NOXA1: variants seen among roughly 807,000 people sequenced by gnomAD.
NOXA1 encodes the protein NADPH oxidase activator 1.
Under a neutral mutation model 64.8 loss-of-function variants are expected in NOXA1, and 56 were observed. The ratio of observed to expected loss-of-function variants is 0.86; its 90% CI spans 0.70 to 1.08. NOXA1 has a LOEUF of 1.08. Among genes scored for constraint, NOXA1 ranks in the 50% least tolerant of loss-of-function variants. NOXA1 has a pLI of 0.00. For missense variants in NOXA1, 668 were observed against 658.5 expected, an observed-to-expected ratio of 1.01 and a Z score of -0.16; for synonymous variants, 295 against 294.8, an observed-to-expected ratio of 1.00 and a Z score of -0.01.
chr9:137,424,689 C>T (rs889340231), intron 1 of NOXA1, among the ~76,000 whole-genome samples: 16 of 152,328 alleles, frequency 1.1e-4, no homozygotes, highest in African/African-American at 3.1e-4. Flanking sequence ...CCACCCTCCT[C>T]GGCCACCCAT....
At position 137,430,854 on chromosome 9, in the gene NOXA1, G is replaced by T; in HGVS notation, c.672+11G>T. 1 of 1,578,708 alleles carries T rather than the reference G, an allele frequency of 6.3e-7. No individual in the cohort carries two copies. On this transcript the variant is annotated intron_variant, in intron 6 of 13. Transcript: ENST00000683555. ...CCTCAGCAGCCACAGGTGGGTTTGC[G>T]GCCCCTCAGACCCCTGCCTGGCCTC...
Position 137,423,611 on chromosome 9 carries a change from C to A in NOXA1, c.82C>A (p.His28Asn). 4 of 1,471,132 alleles carry A rather than the reference C, an allele frequency of 2.7e-6. No individual in the cohort carries two copies. In the South Asian group the frequency reaches 5.2e-5, roughly 19 times the overall value. 91.1% of individuals were successfully genotyped at this position (1,471,132 alleles called of 1,614,324 possible). A position where few individuals can be genotyped will look rare whatever the true frequency, so the allele number is the denominator to read the frequency against. The change falls in exon 1 of 14, where the codon CAC (histidine) becomes AAC (asparagine). Residue 28 changes from histidine (H) to asparagine (N), a missense_variant. His to Asn is a moderately conservative substitution (Grantham distance 68). Transcript: ENST00000683555. ...VDRGDWARALHLFSGVPAPPA... is the reference protein window; with the variant it reads ...VDRGDWARALNLFSGVPAPPA... ...TCGTGGGGACTGGGCCCGCGCCTTG[C>A]ACCTCTTCTCGGGCGTCCCGGCGCC...
At position 137,431,273 on chromosome 9, in the gene NOXA1, C is replaced by A. The variant is rs1487864457; in HGVS notation, c.736C>A (p.Gln246Lys). The A allele has an allele frequency of 6.2e-7, 1 of 1,612,828 alleles. No individual in the cohort carries two copies. The highest frequency in any genetic ancestry group is 8.5e-7 in the Non-Finnish European group (1 of 1,179,950). Residue 246 changes from glutamine to lysine, a missense_variant, in exon 8 of 14, where the codon CAG becomes AAG. Transcript: ENST00000683555. The surrounding 1 kb of genome is among the most constrained non-coding windows in gnomAD (Gnocchi z 5.6). ...GGACTCCCCAAGAGCTGGCACCCAC[C>A]AGGGCCCCCTCGATGCAGAGACAGA... The part of the protein sequence containing the change: ...IMDSPRAGTH[Q>K]GPLDAETEVG...
At chr9:137,424,379 C>T (rs1838743970) in intron 1 of NOXA1, among the ~76,000 whole-genome samples, 1 of 152,246 alleles carries the variant, frequency 6.6e-6, no homozygotes, top group African/African-American at 2.4e-5. Flanking sequence ...CATGAGACCC[C>T]CCTCTCTTGT....
intron 8 of NOXA1, among the ~76,000 whole-genome samples, chr9:137,432,386 C>G (rs1352513995): frequency 6.6e-6 from 1 of 151,952 alleles, no homozygotes; most frequent in East Asian, 1.9e-4. Flanking sequence ...GAGACCATCC[C>G]GGCTAACATG....
Position 137,434,322 on chromosome 9 carries a change from G to C in NOXA1, c.1393G>C (p.Gly465Arg). Residue 465 changes from glycine (G) to arginine (R), a missense_variant, in exon 14 of 14, where the codon GGC becomes CGC. By Grantham distance (125) the Gly-to-Arg change is moderately radical. Coordinates refer to ENST00000683555, the MANE Select transcript of NOXA1 (RefSeq NM_001256067.2). ...CGGCCCTCGGATGTCAGGAGCCCCC[G>C]GCCGCCTGCCCCGATCCCAGCAGGG... ...PAGPRMSGAP[G>R]RLPRSQQGDQ... 6.2e-7 allele frequency: 1 copy of C among 1,608,274 alleles called. No homozygotes were observed. The highest frequency in any genetic ancestry group is 8.5e-7 in the Non-Finnish European group (1 of 1,178,438).
At position 137,431,841 on chromosome 9, in the gene NOXA1, G is replaced by A. The variant is rs1465627677; in HGVS notation, c.804+500G>A. Among the ~76,000 whole-genome samples, 2 of 152,172 alleles carry A rather than the reference G, an allele frequency of 1.3e-5. No individual in the cohort carries two copies. Among genetic ancestry groups the A allele is most frequent in the African/African-American group, 2.4e-5 (1 of 41,430 alleles). On this transcript the variant is annotated intron_variant, in intron 8 of 13. Transcript: ENST00000683555. The surrounding 1 kb of genome is among the most constrained non-coding windows in gnomAD (Gnocchi z 5.6). ...CCCAGCTGCTCCCAGGGTGGCAGCC[G>A]TGGGCGGAGGCTCTGCTGCAGGATC...
Position 137,434,330 on chromosome 9 carries a change from G to A in NOXA1, c.1401G>A (p.Leu467=). The A allele has an allele frequency of 6.2e-7, 1 of 1,605,950 alleles. No individual in the cohort carries two copies. The highest frequency in any genetic ancestry group is 8.5e-7 in the Non-Finnish European group (1 of 1,177,358). Residue 467 remains leucine, a synonymous_variant, in exon 14 of 14, where the codon CTG becomes CTA. Coordinates refer to ENST00000683555, the MANE Select transcript of NOXA1 (RefSeq NM_001256067.2). ...GGATGTCAGGAGCCCCCGGCCGCCTGCCCCGATCCCAGCAGGGAGATCAGC... is the reference window on the plus strand; with the variant it reads ...GGATGTCAGGAGCCCCCGGCCGCCTACCCCGATCCCAGCAGGGAGATCAGC... The part of the protein sequence containing the change: ...GPRMSGAPGR[L]PRSQQGDQP
chr9:137,429,411 A>G (rs774086820), intron 5 of NOXA1, 28 bp downstream of exon 5: 351 of 1,480,580 alleles, frequency 2.4e-4, no homozygotes, highest in Non-Finnish European at 3.0e-4. Context: ...GTCCTGGGGC[A>G]TGGCGGCTGG....
At position 137,434,063 on chromosome 9, in the gene NOXA1, G is replaced by A; in HGVS notation, c.1278G>A (p.Val426=). 1 of 1,580,414 alleles carries A rather than the reference G, an allele frequency of 6.3e-7. No individual in the cohort carries two copies. Among genetic ancestry groups the A allele is most frequent in the South Asian group, 1.1e-5 (1 of 88,792 alleles). The change falls in exon 13 of 14, where the codon GTG becomes GTA. Residue 426 remains valine (V), a synonymous_variant. Transcript: ENST00000683555. The part of the protein sequence containing the change: ...EDLGFRQGDT[V]DVLCEVDQAW... ...TGGGCTTCCGACAGGGGGACACGGT[G>A]GACGTCCTGTGTGAAGGTAGGGTGG...
At chr9:137,429,152 T>C in intron 4 of NOXA1, 124 bp from the exon 5 acceptor site, 1 of 1,329,764 alleles carries the variant, frequency 7.5e-7, no homozygotes, top group South Asian at 1.6e-5. Flanking sequence ...GGGGGCTTCC[T>C]GTGACCTGCG....
chr9:137,423,665 T>C lies in NOXA1; in HGVS notation c.136T>C (p.Cys46Arg). ...CGCCAGGCTGTGCTTCAACGCGGGCTGCGTGCACCTGCTGGCCGGGGACCC... is the reference window on the plus strand; with the variant it reads ...CGCCAGGCTGTGCTTCAACGCGGGCCGCGTGCACCTGCTGGCCGGGGACCC... Reference protein sequence around the residue: ...PPARLCFNAGCVHLLAGDPEA... With the variant: ...PPARLCFNAGRVHLLAGDPEA... Residue 46 changes from cysteine (C) to arginine (R), a missense_variant, in exon 1 of 14, where the codon TGC becomes CGC. Cys to Arg is a radical substitution (Grantham distance 180). Coordinates refer to ENST00000683555, the MANE Select transcript of NOXA1 (RefSeq NM_001256067.2). 2 of 1,390,426 alleles carry C rather than the reference T, an allele frequency of 1.4e-6. No homozygotes were observed. Among genetic ancestry groups the C allele is most frequent in the Non-Finnish European group, 1.9e-6 (2 of 1,069,546 alleles). 86.1% of individuals were successfully genotyped at this position (1,390,426 alleles called of 1,614,324 possible).
Position 137,429,020 on chromosome 9 carries a change from A to G in NOXA1, c.504+4A>G. On this transcript the variant is annotated splice_donor_region_variant and intron_variant, in intron 4 of 13. Transcript: ENST00000683555. ...CTCAGCCCTGGACCAAGTGCAGGTGAGGAGTGCCAGCCCGGTCATGGTTTT... is the reference window on the plus strand; with the variant it reads ...CTCAGCCCTGGACCAAGTGCAGGTGGGGAGTGCCAGCCCGGTCATGGTTTT... 1 of 1,550,710 alleles carries G rather than the reference A, an allele frequency of 6.4e-7. No homozygotes were observed. Among genetic ancestry groups the G allele is most frequent in the Non-Finnish European group, 8.7e-7 (1 of 1,146,038 alleles).
chr9:137,429,527 C>T (rs927406104), intron 5 of NOXA1, 144 bp downstream of exon 5: 18 of 620,114 alleles, frequency 2.9e-5, no homozygotes, highest in Admixed American at 2.1e-4. Context: ...CTCAAACTGG[C>T]GCCCACGGTA....
intron 5 of NOXA1, 39 bp from the exon 6 acceptor site, chr9:137,430,745 C>G: frequency 6.4e-7 from 1 of 1,562,654 alleles, no homozygotes; most frequent in Non-Finnish European, 8.6e-7. Context: ...CCTGCTGGGC[C>G]GCTGATCCCT....
intron 2 of NOXA1, among the ~76,000 whole-genome samples, chr9:137,426,754 A>G (rs939369022): frequency 1.3e-5 from 2 of 152,238 alleles, no homozygotes; most frequent in African/African-American, 4.8e-5. Context: ...CCCAAAAAAT[A>G]TAATTCTAGA....
chr9:137,431,210 C>A lies in NOXA1; in HGVS notation c.699-26C>A. On this transcript the variant is annotated intron_variant, in intron 7 of 13. Coordinates refer to ENST00000683555, the MANE Select transcript of NOXA1 (RefSeq NM_001256067.2). This position sits in a 1 kb window ranked among gnomAD's most constrained non-coding sequence, Gnocchi z 5.6. ...CAGGAGGGCAGTCAGATGGGCAGGGCCTGAGAGCCTCCCTCCTCTCCCTAG... is the reference window on the plus strand; with the variant it reads ...CAGGAGGGCAGTCAGATGGGCAGGGACTGAGAGCCTCCCTCCTCTCCCTAG... 1 of 1,607,702 alleles carries A rather than the reference C, an allele frequency of 6.2e-7. No individual in the cohort carries two copies. Among genetic ancestry groups the A allele is most frequent in the Non-Finnish European group, 8.5e-7 (1 of 1,175,846 alleles).
chr9:137,432,929 C>A, intron 8 of NOXA1, 100 bp from the exon 9 acceptor site: 1 of 1,330,488 alleles, frequency 7.5e-7, no homozygotes, highest in Non-Finnish European at 1.1e-6. Flanking sequence ...GGGTGCTGGC[C>A]GGGCACACAG....
At chr9:137,434,160 C>G in intron 13 of NOXA1, 64 bp from the exon 14 acceptor site, 1 of 1,580,744 alleles carries the variant, frequency 6.3e-7, no homozygotes, top group Non-Finnish European at 8.6e-7. Context: ...GTGCTGTGAG[C>G]AGACGTGGCA....
Sources: gnomAD v4.1 joint callset for allele counts (sites outside exome capture counted in the v4.1 genomes callset) on GRCh38, gnomAD v4.1.1 for gene constraint, Gnocchi (gnomAD v3.1) non-coding constraint, MANE v1.5 for transcripts, NCBI Gene and HGNC (gene_info 2026-07-23, HGNC 2026-07-21) for gene names.